The following TENM4 variants were observed in gnomAD, a reference collection of about 807,000 sequenced individuals.
TENM4 encodes the protein teneurin-4.
In TENM4, 82 loss-of-function variants were observed where a neutral mutation model predicts 243.3. That is an observed-to-expected ratio of 0.34 (90% CI 0.28 to 0.40). The LOEUF is 0.40. Ranked by LOEUF, TENM4 falls within the 10% of genes least tolerant of loss-of-function variation. TENM4 has a pLI of 1.00. For synonymous variants in TENM4, 1,412 were observed against 1,456.3 expected (o/e 0.97, Z 0.69); for missense variants, 3,138 against 3,673.3 (o/e 0.85, Z 3.77).
intron 20 of TENM4, among the ~76,000 whole-genome samples, chr11:78,736,487 C>T (rs964788394): frequency 4.8e-5 from 7 of 145,018 alleles, no homozygotes; most frequent in Admixed American, 3.4e-4. Context: ...TGTGCGCGCG[C>T]GTGCATGTGA....
intron 2 of TENM4, among the ~76,000 whole-genome samples, chr11:79,222,320 A>G (rs1407263583): frequency 1.3e-5 from 2 of 152,166 alleles, no homozygotes. Flanking sequence ...CGTGTTCCTG[A>G]AAAGGACATT....
chr11:78,965,968 T>A (rs1274473200), intron 6 of TENM4, among the ~76,000 whole-genome samples: 20 of 152,144 alleles, frequency 1.3e-4, no homozygotes, highest in Admixed American at 8.5e-4. Context: ...GTTTAGTATG[T>A]TTTTTAACAT....
chr11:79,141,282 A>C (rs1862279926), intron 4 of TENM4, among the ~76,000 whole-genome samples: 1 of 152,110 alleles, frequency 6.6e-6, no homozygotes, highest in Admixed American at 6.6e-5. Context: ...AGAAGACCCA[A>C]ATAAAATCAG....
chr11:78,733,309 GCC>G (rs1418935583), intron 20 of TENM4, among the ~76,000 whole-genome samples: 1 of 152,228 alleles, frequency 6.6e-6, no homozygotes, highest in Non-Finnish European at 1.5e-5. Context: ...CTGTTCATCA[GCC>G]TCTGAGGATG....
At chr11:79,242,599 C>G (rs1442163884) in intron 2 of TENM4, among the ~76,000 whole-genome samples, 2 of 152,148 alleles carry the variant, frequency 1.3e-5, no homozygotes, top group Non-Finnish European at 2.9e-5. Context: ...AAGCATTTCC[C>G]CATGTCATTA....
At chr11:79,393,011 AT>A (rs1858268275) in intron 1 of TENM4, among the ~76,000 whole-genome samples, 1 of 152,052 alleles carries the variant, frequency 6.6e-6, no homozygotes, top group Non-Finnish European at 1.5e-5. Flanking sequence ...CCCTAGTGTC[AT>A]TTCCCAAACC....
At chr11:79,318,373 C>A (rs1190212358) in intron 1 of TENM4, among the ~76,000 whole-genome samples, 1 of 152,170 alleles carries the variant, frequency 6.6e-6, no homozygotes, top group Non-Finnish European at 1.5e-5. Context: ...ATTTTCTTCC[C>A]ATCAACATTT....
chr11:79,138,331 T>TATATATATATATATA (rs1555015535), intron 4 of TENM4, among the ~76,000 whole-genome samples: 4 of 76,134 alleles, frequency 5.3e-5, no homozygotes, highest in East Asian at 5.7e-4. Context: ...ATATATATAT[T>TATATATATATATATA]ATATATATAA....
chr11:78,670,216 G>C lies in TENM4; in HGVS notation c.6129C>G (p.Thr2043=), dbSNP rs900179285. ...TYDETAGMLK[T]INLQNEGFTC... Reference sequence around the variant, plus strand: ...TGAAGCCCTCATTCTGTAGGTTGATGGTCTTCAGCATGCCTGCCGTCTCGT... The same window carrying C: ...TGAAGCCCTCATTCTGTAGGTTGATCGTCTTCAGCATGCCTGCCGTCTCGT... The change falls in exon 32 of 34, where the codon ACC becomes ACG. Residue 2043 remains threonine, a synonymous_variant. Transcript: ENST00000278550. 1 of 1,613,936 alleles carries C rather than the reference G, an allele frequency of 6.2e-7. No individual in the cohort carries two copies. Among genetic ancestry groups the C allele is most frequent in the Non-Finnish European group, 8.5e-7 (1 of 1,179,870 alleles).
chr11:79,313,713 C>G (rs1205478034), intron 1 of TENM4, among the ~76,000 whole-genome samples: 3 of 152,190 alleles, frequency 2.0e-5, no homozygotes, highest in Admixed American at 6.5e-5. Context: ...TGGCCTCCAT[C>G]TATCATCACC....
intron 18 of TENM4, among the ~76,000 whole-genome samples, chr11:78,759,453 C>T (rs146740963): frequency 3.9e-5 from 6 of 152,316 alleles, no homozygotes; most frequent in Non-Finnish European, 7.3e-5. Flanking sequence ...ATTGAAGGGC[C>T]GTGAAAAGTC....
chr11:78,729,184 G>A (rs1182203325), intron 22 of TENM4, among the ~76,000 whole-genome samples, 192 bp downstream of exon 22: 1 of 151,978 alleles, frequency 6.6e-6, no homozygotes, highest in African/African-American at 2.4e-5. Flanking sequence ...TGTAATGGTC[G>A]GGTTTTCTAC....
chr11:79,310,419 A>G (rs1241666697), intron 1 of TENM4, among the ~76,000 whole-genome samples: 3 of 152,178 alleles, frequency 2.0e-5, no homozygotes, highest in African/African-American at 7.2e-5. Flanking sequence ...GAGCAGCAAA[A>G]TAAGTTGTTT....
chr11:78,709,415 T>C (rs758041495), intron 26 of TENM4, among the ~76,000 whole-genome samples: 4 of 152,188 alleles, frequency 2.6e-5, no homozygotes, highest in Non-Finnish European at 2.9e-5. Flanking sequence ...TCAGAATCAT[T>C]ACTCAACATC....
chr11:78,945,353 A>G (rs980766434), intron 6 of TENM4, among the ~76,000 whole-genome samples: 1 of 152,126 alleles, frequency 6.6e-6, no homozygotes, highest in South Asian at 2.1e-4. Flanking sequence ...TGGTGTTACT[A>G]TTGTAATTGT....
At chr11:78,982,883 A>T (rs1857832793) in intron 6 of TENM4, among the ~76,000 whole-genome samples, 1 of 152,140 alleles carries the variant, frequency 6.6e-6, no homozygotes, top group Admixed American at 6.5e-5. Flanking sequence ...GCCTTTTTAA[A>T]GCAGCCCTGA....
chr11:78,911,556 G>T (rs932581536), intron 6 of TENM4, among the ~76,000 whole-genome samples: 1 of 152,196 alleles, frequency 6.6e-6, no homozygotes, highest in Non-Finnish European at 1.5e-5. Context: ...GTCATGTGTT[G>T]GAAACATAAT....
chr11:79,360,026 A>G (rs2888559), intron 1 of TENM4, among the ~76,000 whole-genome samples: 43,804 of 152,094 alleles, frequency 0.29, 6,653 homozygotes, highest in Middle Eastern at 0.4. Context: ...AGTTGTCATC[A>G]GCATCAAAGT....
At chr11:79,102,074 T>C (rs534346284) in intron 4 of TENM4, among the ~76,000 whole-genome samples, 22 of 152,308 alleles carry the variant, frequency 1.4e-4, no homozygotes, top group South Asian at 6.2e-4. Flanking sequence ...TCCTGATGTA[T>C]AACATGGGCA....
Sources: allele counts gnomAD v4.1 joint callset (sites outside exome capture counted in the v4.1 genomes callset), GRCh38; gene constraint gnomAD v4.1.1; transcripts MANE v1.5; gene names NCBI Gene and HGNC (gene_info 2026-07-23, HGNC 2026-07-21).